The following PPA2 variants were observed in gnomAD, a reference collection of about 807,000 sequenced individuals.
The protein encoded by PPA2 is inorganic pyrophosphatase 2.
In PPA2, 48 loss-of-function variants were observed where a neutral mutation model predicts 49.5. The observed-to-expected ratio is 0.97, with a 90% confidence interval of 0.77 to 1.23. The LOEUF is 1.23. Among genes scored for constraint, PPA2 ranks in the 50% most tolerant of loss-of-function variants. PPA2 has a pLI of 0.00. For missense variants in PPA2, 429 were observed against 410.1 expected (o/e 1.05, Z -0.40); for synonymous variants, 131 against 139.9 (o/e 0.94, Z 0.45).
intron 6 of PPA2, among the ~76,000 whole-genome samples, chr4:105,425,393 A>ACT (rs551352800): frequency 6.6e-6 from 1 of 152,170 alleles, no homozygotes; most frequent in South Asian, 2.1e-4. Flanking sequence ...ACCAAATAGA[A>ACT]CTTTAAGAGC....
At chr4:105,379,994 T>C (rs67124324) in intron 10 of PPA2, among the ~76,000 whole-genome samples, 16,950 of 152,112 alleles carry the variant, frequency 0.11, 993 homozygotes, top group Non-Finnish European at 0.13. Context: ...CTTATTCTAG[T>C]TGTTTTTAGG....
intron 9 of PPA2, among the ~76,000 whole-genome samples, chr4:105,395,485 G>A (rs1216030528): frequency 6.6e-6 from 1 of 152,106 alleles, no homozygotes; most frequent in East Asian, 1.9e-4. Flanking sequence ...CAAAATTTAA[G>A]TATTAATTAT....
intron 9 of PPA2, among the ~76,000 whole-genome samples, chr4:105,390,306 G>T (rs1733860318): frequency 6.6e-6 from 1 of 151,516 alleles, no homozygotes; most frequent in African/African-American, 2.4e-5. Flanking sequence ...GCCAAAATTG[G>T]TAAGTGGGAT....
chr4:105,407,550 C>A (rs1309387612), intron 7 of PPA2, among the ~76,000 whole-genome samples: 3 of 152,072 alleles, frequency 2.0e-5, no homozygotes, highest in Admixed American at 6.5e-5. Flanking sequence ...CTGTTCAGAG[C>A]AACTTTATTC....
At chr4:105,470,738 T>C (rs1359104425) in intron 1 of PPA2, among the ~76,000 whole-genome samples, 3 of 152,252 alleles carry the variant, frequency 2.0e-5, no homozygotes, top group Non-Finnish European at 4.4e-5. Flanking sequence ...CTCATTTAAC[T>C]GCCACAGCAA....
At chr4:105,465,880 T>G (rs75860046) in intron 1 of PPA2, among the ~76,000 whole-genome samples, 7,738 of 152,252 alleles carry the variant, frequency 0.051, 291 homozygotes, top group African/African-American at 0.097. Context: ...CCATTTTGTC[T>G]GTTCTTTCCT....
chr4:105,415,255 G>C (rs1314749159), intron 7 of PPA2, among the ~76,000 whole-genome samples: 1 of 152,200 alleles, frequency 6.6e-6, no homozygotes, highest in Non-Finnish European at 1.5e-5. Flanking sequence ...GAGCCTGTCT[G>C]CCTCCCGCTA....
At chr4:105,420,022 G>C (rs1049284112) in intron 7 of PPA2, among the ~76,000 whole-genome samples, 3 of 151,706 alleles carry the variant, frequency 2.0e-5, no homozygotes, top group Non-Finnish European at 4.4e-5. Flanking sequence ...GCCTAGGCTG[G>C]AGTGCAATGG....
chr4:105,371,041 T>C (rs1250822160), intron 10 of PPA2, among the ~76,000 whole-genome samples, 168 bp from the exon 11 acceptor site: 2 of 152,198 alleles, frequency 1.3e-5, no homozygotes, highest in African/African-American at 2.4e-5. Context: ...TTGTTCATTC[T>C]TTCAGATAAA....
rs138215926 is a variant in PPA2 at position 105,399,137 on chromosome 4, G to A, written c.683C>T (p.Pro228Leu). 557 of 1,604,770 alleles carry A rather than the reference G, an allele frequency of 3.5e-4. No homozygotes were observed. The highest frequency in any genetic ancestry group is 7.3e-4 in the Admixed American group (43 of 58,538). ...HDIDDVKKFK[P>L]GYLEATLNWF... ...ATTAAGAGTAGCTTCCAGGTAACCC[G>A]GTTTGAACTTCTTAACATCATCAAT... The change falls in exon 8 of 12, where the codon CCG (proline) becomes CTG (leucine). Residue 228 changes from proline (P) to leucine (L), a missense_variant. By Grantham distance (98) the Pro-to-Leu change is moderately conservative. Transcript: ENST00000341695.
At chr4:105,460,246 T>A (rs1393653526) in intron 1 of PPA2, among the ~76,000 whole-genome samples, 1 of 152,140 alleles carries the variant, frequency 6.6e-6, no homozygotes, top group Non-Finnish European at 1.5e-5. Context: ...TTACATGGCA[T>A]TACAAGGCAT....
At chr4:105,405,199 G>GA (rs1722404554) in intron 7 of PPA2, 1 of 724,536 alleles carries the variant, frequency 1.4e-6, no homozygotes, top group Non-Finnish European at 1.7e-6. Context: ...TAATGCTCCT[G>GA]AAAAATCAAT....
At chr4:105,405,901 G>A (rs1015283372) in intron 7 of PPA2, 1 of 452,700 alleles carries the variant, frequency 2.2e-6, no homozygotes, top group Non-Finnish European at 4.4e-6. Flanking sequence ...TCAAGTGAAG[G>A]CAGGATGACT....
chr4:105,401,572 A>AT (rs969792100), intron 7 of PPA2, among the ~76,000 whole-genome samples: 20 of 152,056 alleles, frequency 1.3e-4, no homozygotes, highest in Non-Finnish European at 2.2e-4. Flanking sequence ...GATTAGATAT[A>AT]TTTTTTTACA....
At chr4:105,400,813 G>C (rs920562909) in intron 7 of PPA2, among the ~76,000 whole-genome samples, 2 of 152,020 alleles carry the variant, frequency 1.3e-5, no homozygotes, top group Non-Finnish European at 2.9e-5. Flanking sequence ...AGTCTAGGAG[G>C]CTTTCTCCCC....
At chr4:105,426,503 T>G (rs1723516768) in intron 6 of PPA2, among the ~76,000 whole-genome samples, 1 of 152,196 alleles carries the variant, frequency 6.6e-6, no homozygotes, top group South Asian at 2.1e-4. Context: ...TTTCCCATGG[T>G]CTTCACAACT....
chr4:105,458,848 C>CATGTAACT (rs1186438201), intron 1 of PPA2, among the ~76,000 whole-genome samples: 1 of 134,322 alleles, frequency 7.4e-6, no homozygotes, highest in African/African-American at 2.8e-5. Flanking sequence ...AAAAAAAAGG[C>CATGTAACT]ATGTAACTTA....
Position 105,370,863 on chromosome 4 carries a change from G to T in PPA2, c.950C>A (p.Ser317Ter). 1 of 1,469,590 alleles carries T rather than the reference G, an allele frequency of 6.8e-7. No homozygotes were observed. Among genetic ancestry groups the T allele is most frequent in the Non-Finnish European group, 9.2e-7 (1 of 1,091,380 alleles). The allele number at this position is 1,469,590 out of a possible 1,614,324, so 91.0% of individuals were successfully genotyped here. ...ARSLVESVSS[S>*]PNKESNEEEQ... ...TTCTTCATTACTTTCTTTATTTGGT[G>T]AAGATGATACCTGGAAATAAAAACA... is the stretch of plus-strand genomic sequence containing the variant. The change falls in exon 11 of 12, where the codon TCA becomes TAA. Residue 317 changes from serine (S) to a stop codon, truncating the protein, a stop_gained. Coordinates refer to ENST00000341695, the MANE Select transcript of PPA2 (RefSeq NM_176869.3). LOFTEE classifies it high-confidence loss of function.
chr4:105,423,318 T>C (rs1192415005), intron 7 of PPA2: 1 of 152,150 alleles, frequency 6.6e-6, no homozygotes, highest in Non-Finnish European at 1.5e-5. Context: ...TTAATGAGGT[T>C]CAGTCATCTT....
Sources: allele counts gnomAD v4.1 joint callset (sites outside exome capture counted in the v4.1 genomes callset), GRCh38; gene constraint gnomAD v4.1.1; transcripts MANE v1.5; gene names NCBI Gene and HGNC (gene_info 2026-07-23, HGNC 2026-07-21).